The following TENM3 variants were observed in gnomAD, a reference collection of about 807,000 sequenced individuals.
TENM3 encodes teneurin-3.
Under a neutral mutation model 255.1 loss-of-function variants are expected in TENM3, and 63 were observed. The observed-to-expected ratio is 0.25, with a 90% CI of 0.20 to 0.30. The LOEUF (loss-of-function observed/expected upper bound fraction) is 0.30. Among genes scored for constraint, TENM3 ranks in the 10% least tolerant of loss-of-function variants. TENM3 has a pLI of 1.00. For missense variants in TENM3, 2,929 were observed against 3,461.1 expected (o/e 0.85, Z 3.86); for synonymous variants, 1,306 against 1,322.3 (o/e 0.99, Z 0.27).
intron 6 of TENM3, among the ~76,000 whole-genome samples, chr4:182,654,350 C>G (rs1050583680): frequency 2.2e-4 from 33 of 152,222 alleles, no homozygotes; most frequent in Non-Finnish European, 3.5e-4. Context: ...TGCCCTTTCT[C>G]TAAACCTTTA....
chr4:182,492,481 G>C (rs772681598), intron 3 of TENM3, among the ~76,000 whole-genome samples: 7 of 152,014 alleles, frequency 4.6e-5, no homozygotes, highest in Non-Finnish European at 7.4e-5. Flanking sequence ...ATATCCTTTG[G>C]GATAAAGGAA....
rs1420731197 is a variant in TENM3 at position 182,263,836 on chromosome 4, TG to T, written c.-76+20365del. Reference sequence around the variant, plus strand: ...TTAAAGATGACGGGGCTCACCCATCTGGGGGCAAATTTAAGCTTTGCCAATT... The same window carrying T: ...TTAAAGATGACGGGGCTCACCCATCTGGGGCAAATTTAAGCTTTGCCAATT... On this transcript the variant is annotated intron_variant, in intron 1 of 27. Coordinates refer to ENST00000511685, the MANE Select transcript of TENM3 (RefSeq NM_001080477.4). Among the ~76,000 whole-genome samples, 4 of 152,316 alleles carry T rather than the reference TG, an allele frequency of 2.6e-5. No homozygotes were observed. In the East Asian group the frequency reaches 7.7e-4, roughly 29 times the overall value.
intron 3 of TENM3, among the ~76,000 whole-genome samples, chr4:182,438,411 A>C (rs1772207912): frequency 6.6e-6 from 1 of 152,218 alleles, no homozygotes; most frequent in African/African-American, 2.4e-5. Context: ...TGTTTTTATT[A>C]AAGTTGGTAG....
At chr4:182,499,297 A>T (rs1736100242) in intron 3 of TENM3, among the ~76,000 whole-genome samples, 1 of 152,212 alleles carries the variant, frequency 6.6e-6, no homozygotes, top group Non-Finnish European at 1.5e-5. Context: ...ATTGCAAAAG[A>T]TACCTGAACA....
chr4:181,576,815 T>C, the TENM3 span, among the ~76,000 whole-genome samples: 12 of 140,806 alleles, frequency 8.5e-5, no homozygotes, highest in South Asian at 2.3e-4. Context: ...TCTTTTCTTT[T>C]TTTTTTTTTT....
the TENM3 span, among the ~76,000 whole-genome samples, chr4:182,084,006 T>G: frequency 6.6e-6 from 1 of 152,282 alleles, no homozygotes; most frequent in East Asian, 1.9e-4. Context: ...ACAATTTAGA[T>G]GTCAAAGTGT....
chr4:182,626,717 A>G (rs1163845217), intron 4 of TENM3, among the ~76,000 whole-genome samples: 1 of 152,200 alleles, frequency 6.6e-6, no homozygotes, highest in South Asian at 2.1e-4. Flanking sequence ...AAACTTTTAA[A>G]TTAGCTTTTT....
chr4:181,770,092 A>G, the TENM3 span, among the ~76,000 whole-genome samples: 7 of 152,264 alleles, frequency 4.6e-5, no homozygotes, highest in African/African-American at 1.7e-4. Flanking sequence ...TTGAATATGC[A>G]GTTTGGGGCT....
the TENM3 span, among the ~76,000 whole-genome samples, chr4:181,828,121 A>C: frequency 2.0e-5 from 3 of 152,176 alleles, no homozygotes; most frequent in African/African-American, 7.2e-5. Context: ...TGACTAAACC[A>C]AACTTCCATA....
chr4:181,527,750 T>C, the TENM3 span, among the ~76,000 whole-genome samples: 1 of 152,178 alleles, frequency 6.6e-6, no homozygotes, highest in Middle Eastern at 3.4e-3. Flanking sequence ...GAAACATTCA[T>C]AATTCTCCCA....
chr4:181,528,011 A>T, the TENM3 span, among the ~76,000 whole-genome samples: 1 of 152,118 alleles, frequency 6.6e-6, no homozygotes, highest in Non-Finnish European at 1.5e-5. Flanking sequence ...ACAATTTTTT[A>T]AAAGGGGGGG....
rs76973941 is a variant in TENM3 at position 182,168,882 on chromosome 4, G to A, written c.-76+24128G>A. ...TTTATATCTTCTGAAAAAAATTCAT[G>A]TATATGTTCTGAAAAAATAACACAC... On this transcript the variant is annotated intron_variant, in intron 1 of 2. Coordinates refer to the TENM3 transcript ENST00000512480. Among the ~76,000 whole-genome samples, 38 of 152,044 alleles carry A rather than the reference G, an allele frequency of 2.5e-4. No homozygotes were observed. The East Asian group carries it at 7.3e-3, about 29-fold the overall frequency.
chr4:181,931,629 T>C, the TENM3 span, among the ~76,000 whole-genome samples: 2 of 152,170 alleles, frequency 1.3e-5, no homozygotes, highest in African/African-American at 2.4e-5. Context: ...CTCATCAAAC[T>C]ACCATTGACT....
rs199719666 is a variant in TENM3, at chr4:182,792,838, T to C, written c.6166T>C (p.Phe2056Leu). 2 of 1,613,814 alleles carry C rather than the reference T, an allele frequency of 1.2e-6. No homozygotes were observed. The highest frequency in any genetic ancestry group is 2.7e-5 in the African/African-American group (2 of 75,022). The change falls in exon 26 of 28, where the codon TTT becomes CTT. Residue 2056 changes from phenylalanine (F) to leucine (L), a missense_variant. By Grantham distance (22) the Phe-to-Leu change is conservative (BLOSUM62 0). Around this residue, in one of 6 missense-constraint regions of TENM3, gnomAD observed 256 missense variants for 389.3 expected, o/e 0.66. Transcript: ENST00000511685. The surrounding 1 kb of genome is among the most constrained non-coding windows in gnomAD (Gnocchi z 6.3). ...TGACATTTCTGGCAAAGTTGAGCAGTTTGGAAAGTTTGGAGTTATATATTA... is the reference window on the plus strand; with the variant it reads ...TGACATTTCTGGCAAAGTTGAGCAGCTTGGAAAGTTTGGAGTTATATATTA... ...FDDISGKVEQ[F>L]GKFGVIYYDI... is the part of the protein sequence containing the mutation.
At chr4:182,529,444 C>G (rs1246070864) in intron 3 of TENM3, among the ~76,000 whole-genome samples, 1 of 152,166 alleles carries the variant, frequency 6.6e-6, no homozygotes, top group Admixed American at 6.5e-5. Context: ...TCTGGAAAGA[C>G]AGGCCTTTTC....
intron 3 of TENM3, among the ~76,000 whole-genome samples, chr4:182,381,592 G>C (rs1456494674): frequency 1.7e-5 from 2 of 118,384 alleles, no homozygotes; most frequent in East Asian, 2.5e-4. Flanking sequence ...TTTTGCTCTT[G>C]TTGCCCAGGC....
chr4:181,849,949 T>TCTCTCTCTCTCTCACACATACACACA, the TENM3 span, among the ~76,000 whole-genome samples: 1 of 65,906 alleles, frequency 1.5e-5, no homozygotes, highest in Non-Finnish European at 3.3e-5. Flanking sequence ...TCTCTCTCTC[T>TCTCTCTCTCTCTCACACATACACACA]CACACACACA....
At chr4:182,223,402 G>A (rs1385694738) in intron 1 of TENM3, among the ~76,000 whole-genome samples, 1 of 151,578 alleles carries the variant, frequency 6.6e-6, no homozygotes, top group African/African-American at 2.4e-5. Context: ...TTTTTTTTAT[G>A]AGGGGGTTTC....
intron 3 of TENM3, among the ~76,000 whole-genome samples, chr4:182,357,279 T>C (rs1765619549): frequency 6.6e-6 from 1 of 151,624 alleles, no homozygotes; most frequent in Non-Finnish European, 1.5e-5. Context: ...TCTAGATCCC[T>C]GAGGAATCGC....
Sources: gnomAD v4.1 joint callset for allele counts (sites outside exome capture counted in the v4.1 genomes callset) on GRCh38, gnomAD v4.1.1 for gene constraint, gnomAD v4.1.1 regional missense constraint, Gnocchi (gnomAD v3.1) non-coding constraint, MANE v1.5 for transcripts, NCBI Gene and HGNC (gene_info 2026-07-23, HGNC 2026-07-21) for gene names.